Variants in FGF5 observed in about 807,000 individuals in gnomAD.
The protein encoded by FGF5 is fibroblast growth factor 5, also known as heparin-binding growth factor 5.
FGF5 carries 23 observed loss-of-function variants against 21.8 expected under a neutral mutation model. That is an observed-to-expected ratio of 1.05 (90% CI 0.76 to 1.49). The LOEUF (loss-of-function observed/expected upper bound fraction) is 1.49, where lower values mean the gene tolerates loss of function less well. FGF5 is among the 40% of genes most tolerant of loss of function. The probability of loss-of-function intolerance (pLI) is 0.00; values close to 1 mark genes in which losing one functional copy is unlikely to be tolerated. For synonymous variants in FGF5, 158 were observed against 124.0 expected, an observed-to-expected ratio of 1.27 and a Z score of -1.82; for missense variants, 352 against 332.9, an observed-to-expected ratio of 1.06 and a Z score of -0.45.
chr4:80,267,578 C>A (rs1406775048), intron 1 of FGF5, among the ~76,000 whole-genome samples: 1 of 152,160 alleles, frequency 6.6e-6, no homozygotes, highest in Non-Finnish European at 1.5e-5. Flanking sequence ...CAAAGGCAGC[C>A]CTTCTCCCTA....
intron 2 of FGF5, among the ~76,000 whole-genome samples, chr4:80,279,558 A>T (rs998762123): frequency 6.6e-6 from 1 of 152,076 alleles, no homozygotes; most frequent in Non-Finnish European, 1.5e-5. Context: ...TTTTCCTTTC[A>T]CCAAGGAACC....
At position 80,287,595 on chromosome 4, in the gene FGF5, C is replaced by T. The variant is rs756762747; in HGVS notation, c.*923C>T. 5.3e-5 allele frequency: 8 copies of T among 152,172 alleles called. No homozygotes were observed. Among genetic ancestry groups the T allele is most frequent in the Non-Finnish European group, 1.2e-4 (8 of 68,034 alleles). The allele number at this position is 152,172 out of a possible 1,614,324, so 9.4% of individuals were successfully genotyped here. On this transcript the variant is annotated 3_prime_UTR_variant, in exon 3 of 3. Coordinates refer to ENST00000312465, the MANE Select transcript of FGF5 (RefSeq NM_004464.4). ...TCTCCCCCTTGCCCTCATTCTTGAA[C>T]AGCTGGAGGAATACATTTTATTCTG... is the stretch of plus-strand genomic sequence containing the variant.
Position 80,287,521 on chromosome 4 carries a change from G to T in FGF5, c.*849G>T, listed in dbSNP as rs1019430455. ...TTAGAGGTAAAAGTACACTAAGTTT[G>T]CAACATTTATTGAGATCTAAGTCTG... On this transcript the variant is annotated 3_prime_UTR_variant, in exon 3 of 3. Transcript: ENST00000312465. 6.6e-6 allele frequency: 1 copy of T among 152,122 alleles called. No individual in the cohort carries two copies. The highest frequency in any genetic ancestry group is 2.4e-5 in the African/African-American group (1 of 41,438). 9.4% of individuals were successfully genotyped at this position (152,122 alleles called of 1,614,324 possible). A position where few individuals can be genotyped will look rare whatever the true frequency, so the allele number is the denominator to read the frequency against.
At chr4:80,281,645 C>T (rs987242030) in intron 2 of FGF5, among the ~76,000 whole-genome samples, 4 of 152,040 alleles carry the variant, frequency 2.6e-5, no homozygotes, top group Admixed American at 2.6e-4. Context: ...ACGCAAGAGT[C>T]GGTATTTGCA....
rs114288943 is a variant in FGF5, at chr4:80,273,152, G to A, written c.356-1757G>A. On this transcript the variant is annotated intron_variant, in intron 1 of 2. Transcript: ENST00000312465. ...GCATTTAAAAACATTTTGAAGGAAA[G>A]GATTTATACAGCACTGGTGGTTTTT... Among the ~76,000 whole-genome samples, 715 of 151,248 alleles carry A rather than the reference G, an allele frequency of 4.7e-3. 5 individuals carry two copies. Among genetic ancestry groups the A allele is most frequent in the African/African-American group, 0.017 (689 of 41,348 alleles).
chr4:80,282,252 G>A (rs1720574158), intron 2 of FGF5, among the ~76,000 whole-genome samples: 1 of 152,082 alleles, frequency 6.6e-6, no homozygotes, highest in Admixed American at 6.5e-5. Flanking sequence ...GTGAGCCACC[G>A]TACCCAGCAG....
Position 80,286,316 on chromosome 4 carries a change from C to A in FGF5, c.460-9C>A. On this transcript the variant is annotated splice_polypyrimidine_tract_variant and intron_variant, in intron 2 of 2. Coordinates refer to ENST00000312465, the MANE Select transcript of FGF5 (RefSeq NM_004464.4). ...CAACTTAAATTTCCTCTTTTTTTCT[C>A]CTCCTTAGGCCAAGTTCACAGATGA... The A allele has an allele frequency of 6.5e-7, 1 of 1,535,316 alleles. No homozygotes were observed. The highest frequency in any genetic ancestry group is 1.3e-5 in the South Asian group (1 of 79,536).
At chr4:80,280,374 C>T (rs1720518717) in intron 2 of FGF5, among the ~76,000 whole-genome samples, 1 of 152,150 alleles carries the variant, frequency 6.6e-6, no homozygotes, top group African/African-American at 2.4e-5. Context: ...TCCATTTTAG[C>T]AGAAAGTGAG....
chr4:80,276,453 A>C, intron 2 of FGF5, among the ~76,000 whole-genome samples: 1 of 152,192 alleles, frequency 6.6e-6, no homozygotes, highest in East Asian at 1.9e-4. Flanking sequence ...AAGGGACAAC[A>C]TTCTGCATCA....
rs761416300 is a variant in FGF5 at position 80,286,409 on chromosome 4, GA to G, written c.550del (p.Thr184GlnfsTer9). 4.3e-6 allele frequency: 7 copies of G among 1,613,894 alleles called. No individual in the cohort carries two copies. On this transcript the variant is annotated frameshift_variant, in exon 3 of 3. Coordinates refer to ENST00000312465, the MANE Select transcript of FGF5 (RefSeq NM_004464.4). LOFTEE classifies it high-confidence loss of function. Reference protein sequence around the residue: ...NTYASAIHRTEKTGREWYVAL... With the variant: ...NTYASAIHRTXKTGREWYVAL... ...CTATGCCTCAGCAATACATAGAACT[GA>G]AAAAACAGGGCGGGAGTGGTATGTG...
chr4:80,274,944 G>A lies in FGF5; in HGVS notation c.391G>A (p.Val131Ile). ...LEIFAVSQGI[V>I]GIRGVFSNKF... is the part of the protein sequence containing the mutation. The stretch of plus-strand genomic sequence containing the variant: ...AATATTTGCTGTGTCTCAGGGGATT[G>A]TAGGAATACGAGGAGTTTTCAGCAA... Residue 131 changes from valine to isoleucine, a missense_variant, in exon 2 of 3, where the codon GTA becomes ATA. Physicochemically the swap from Val to Ile is conservative, Grantham distance 29 (BLOSUM62 3). Coordinates refer to ENST00000312465, the MANE Select transcript of FGF5 (RefSeq NM_004464.4). The A allele has an allele frequency of 1.9e-6, 3 of 1,597,588 alleles. No homozygotes were observed. The East Asian group carries it at 6.8e-5, about 36-fold the overall frequency.
At chr4:80,277,787 T>C (rs950191151) in intron 2 of FGF5, among the ~76,000 whole-genome samples, 1 of 152,052 alleles carries the variant, frequency 6.6e-6, no homozygotes, top group African/African-American at 2.4e-5. Flanking sequence ...ACTAAAAATA[T>C]AAAATATTAA....
In FGF5 at chr4:80,266,797, T is replaced by C. The variant is rs936924043; in HGVS notation, c.-28T>C. 1.3e-6 allele frequency: 2 copies of C among 1,533,826 alleles called. No individual in the cohort carries two copies. Among genetic ancestry groups the C allele is most frequent in the Non-Finnish European group, 1.8e-6 (2 of 1,139,796 alleles). On this transcript the variant is annotated 5_prime_UTR_variant, in exon 1 of 3. The change abolishes an upstream ATG in the 5' untranslated region. Transcript: ENST00000312465. ...AGAGCCCAGAATCAGCCCTACAAGATGCACTTAGGACCCCCGCGGCTGGAA... is the reference window on the plus strand; with the variant it reads ...AGAGCCCAGAATCAGCCCTACAAGACGCACTTAGGACCCCCGCGGCTGGAA...
chr4:80,277,164 T>C (rs1288247688), intron 2 of FGF5, among the ~76,000 whole-genome samples: 2 of 152,172 alleles, frequency 1.3e-5, no homozygotes. Flanking sequence ...GGATGGCTGG[T>C]TGAAATAATG....
chr4:80,286,185 C>T, intron 2 of FGF5, 140 bp from the exon 3 acceptor site: 1 of 565,606 alleles, frequency 1.8e-6, no homozygotes, highest in Non-Finnish European at 3.1e-6. Flanking sequence ...AATAAGCAAA[C>T]ATGTCTTTAT....
At position 80,286,675 on chromosome 4, in the gene FGF5, T is replaced by G; in HGVS notation, c.*3T>G. 2 of 1,609,496 alleles carry G rather than the reference T, an allele frequency of 1.2e-6. No homozygotes were observed. Among genetic ancestry groups the G allele is most frequent in the African/African-American group, 1.3e-5 (1 of 74,828 alleles). On this transcript the variant is annotated 3_prime_UTR_variant, in exon 3 of 3. Transcript: ENST00000312465. ...GACTCAAGTTTCGCTTTGGATAATATTCCTCTTGGCCTTGTGAGAAACCAT... is the reference window on the plus strand; with the variant it reads ...GACTCAAGTTTCGCTTTGGATAATAGTCCTCTTGGCCTTGTGAGAAACCAT...
At chr4:80,285,523 C>A (rs1414090917) in intron 2 of FGF5, among the ~76,000 whole-genome samples, 1 of 152,116 alleles carries the variant, frequency 6.6e-6, no homozygotes, top group Non-Finnish European at 1.5e-5. Context: ...TCTTAGATGC[C>A]CTTCCTCTAT....
At chr4:80,279,560 C>G (rs578033062) in intron 2 of FGF5, among the ~76,000 whole-genome samples, 1 of 152,146 alleles carries the variant, frequency 6.6e-6, no homozygotes, top group African/African-American at 2.4e-5. Flanking sequence ...TTCCTTTCAC[C>G]AAGGAACCTA....
In FGF5 at chr4:80,288,907, A is replaced by T. The variant is rs1720818855; in HGVS notation, c.*2235A>T. 6.6e-6 allele frequency: 1 copy of T among 152,642 alleles called. No homozygotes were observed. The highest frequency in any genetic ancestry group is 1.5e-5 in the Non-Finnish European group (1 of 68,040). 9.5% of individuals were successfully genotyped at this position (152,642 alleles called of 1,614,324 possible). ...ATATATATTATGCAAGTCAGGAATC[A>T]TTAATTTCAAAATTTAAAGCCATGC... On this transcript the variant is annotated 3_prime_UTR_variant, in exon 3 of 3. Transcript: ENST00000312465.
Sources: allele counts gnomAD v4.1 joint callset (sites outside exome capture counted in the v4.1 genomes callset), GRCh38; gene constraint gnomAD v4.1.1; transcripts MANE v1.5; gene names NCBI Gene and HGNC (gene_info 2026-07-23, HGNC 2026-07-21).